Variants in ZDHHC2 observed in about 807,000 individuals in gnomAD.
ZDHHC2 encodes palmitoyltransferase ZDHHC2.
In ZDHHC2, 51 loss-of-function variants were observed where a neutral mutation model predicts 55.6. The ratio of observed to expected loss-of-function variants is 0.92; its 90% confidence interval spans 0.73 to 1.16. ZDHHC2 has a LOEUF of 1.16. Ranked by LOEUF, ZDHHC2 falls within the 50% of genes most tolerant of loss-of-function variation. ZDHHC2 has a pLI of 0.00. For missense variants in ZDHHC2, 491 were observed against 442.4 expected (o/e 1.11, Z -0.99); for synonymous variants, 199 against 152.9 (o/e 1.30, Z -2.22).
At chr8:17,188,026 G>T (rs758216228) in intron 3 of ZDHHC2, among the ~76,000 whole-genome samples, 10 of 152,042 alleles carry the variant, frequency 6.6e-5, no homozygotes, top group South Asian at 2.1e-4. Context: ...TTCTTCTCCT[G>T]GTAATTTGGT....
chr8:17,186,542 G>A, intron 3 of ZDHHC2, 117 bp downstream of exon 3: 2 of 589,338 alleles, frequency 3.4e-6, no homozygotes, highest in Non-Finnish European at 2.7e-6. Context: ...TGACTTTTTA[G>A]ATTAAAAAAA....
intron 6 of ZDHHC2, among the ~76,000 whole-genome samples, chr8:17,202,327 A>AT (rs1223799943): frequency 6.6e-6 from 1 of 151,810 alleles, no homozygotes; most frequent in Non-Finnish European, 1.5e-5. Context: ...TATTTGTCTC[A>AT]TTTTACAGGG....
chr8:17,209,925 T>A lies in ZDHHC2; in HGVS notation c.731-7T>A, dbSNP rs755390662. The A allele has an allele frequency of 6.2e-7, 1 of 1,604,198 alleles. No homozygotes were observed. The highest frequency in any genetic ancestry group is 1.3e-5 in the African/African-American group (1 of 74,524). ...ACTCATGTGATTCCTTTACCATCTTTTTTTAGAGGCATTCAGAAGTCCAGT... is the reference window on the plus strand; with the variant it reads ...ACTCATGTGATTCCTTTACCATCTTATTTTAGAGGCATTCAGAAGTCCAGT... On this transcript the variant is annotated splice_polypyrimidine_tract_variant and splice_region_variant and intron_variant, in intron 8 of 12. Transcript: ENST00000262096.
rs1261273101 is a variant in ZDHHC2 at position 17,222,619 on chromosome 8, ATTG to A, written c.*2401_*2403del. 3 of 151,932 alleles carry A rather than the reference ATTG, an allele frequency of 2.0e-5. No individual in the cohort carries two copies. Among genetic ancestry groups the A allele is most frequent in the Non-Finnish European group, 4.4e-5 (3 of 67,778 alleles). 9.4% of individuals were successfully genotyped at this position (151,932 alleles called of 1,614,324 possible). On this transcript the variant is annotated 3_prime_UTR_variant, in exon 13 of 13. Transcript: ENST00000262096. ...TATTTGCTATTATGTAGGGAAGAGG[ATTG>A]TTATTTCAAAGATATATTAAAGAAC...
intron 1 of ZDHHC2, among the ~76,000 whole-genome samples, chr8:17,173,865 A>C (rs976378788): frequency 1.4e-4 from 21 of 152,104 alleles, no homozygotes; most frequent in African/African-American, 5.1e-4. Context: ...TATTTGGAGA[A>C]AGGGTCTTTA....
chr8:17,194,267 A>G (rs11785731), intron 3 of ZDHHC2, among the ~76,000 whole-genome samples: 3,253 of 151,506 alleles, frequency 0.021, 53 homozygotes, highest in Non-Finnish European at 0.034. Flanking sequence ...TTTCACTGAC[A>G]TATCACTTTT....
intron 3 of ZDHHC2, among the ~76,000 whole-genome samples, chr8:17,195,283 C>T (rs1351232406): frequency 2.0e-5 from 3 of 152,084 alleles, no homozygotes; most frequent in African/African-American, 7.2e-5. Context: ...GAAGTAGGTA[C>T]AGTTGTATTA....
intron 1 of ZDHHC2, among the ~76,000 whole-genome samples, chr8:17,170,391 TA>T (rs1269913833): frequency 1.3e-5 from 2 of 152,262 alleles, no homozygotes; most frequent in Non-Finnish European, 2.9e-5. Flanking sequence ...CTGTAAATTT[TA>T]TTCCAATGAG....
chr8:17,206,812 A>G (rs111348627), intron 7 of ZDHHC2, among the ~76,000 whole-genome samples: 1,898 of 152,342 alleles, frequency 0.012, 17 homozygotes, highest in Non-Finnish European at 0.022. Flanking sequence ...TCATTAAATT[A>G]TCTTTATTAT....
At chr8:17,197,714 CTTTTCTCACTG>C in intron 5 of ZDHHC2, 63 bp downstream of exon 5, 1 of 1,471,664 alleles carries the variant, frequency 6.8e-7, no homozygotes, top group Non-Finnish European at 9.4e-7. Flanking sequence ...CATTATGTTT[CTTTTCTCACTG>C]TTTTCCTGAT....
chr8:17,165,264 T>G (rs961813098), intron 1 of ZDHHC2, among the ~76,000 whole-genome samples: 1 of 152,232 alleles, frequency 6.6e-6, no homozygotes, highest in African/African-American at 2.4e-5. Flanking sequence ...CAACTCCATG[T>G]GACCTGTTTT....
At chr8:17,160,079 A>G (rs1263237489) in intron 1 of ZDHHC2, among the ~76,000 whole-genome samples, 1 of 152,240 alleles carries the variant, frequency 6.6e-6, no homozygotes, top group Non-Finnish European at 1.5e-5. Flanking sequence ...TTCAGCGAGC[A>G]CACGACGTGG....
chr8:17,201,647 T>C (rs1009500579), intron 6 of ZDHHC2, among the ~76,000 whole-genome samples: 88 of 145,240 alleles, frequency 6.1e-4, no homozygotes, highest in African/African-American at 2.2e-3. Flanking sequence ...CGCCCACCAC[T>C]ACGCCTCACG....
At chr8:17,199,463 A>AGAC (rs1806510315) in intron 6 of ZDHHC2, among the ~76,000 whole-genome samples, 2 of 103,934 alleles carry the variant, frequency 1.9e-5, no homozygotes, top group Admixed American at 8.7e-5. Context: ...GTCTTTAATA[A>AGAC]GACTTCTTCT....
chr8:17,205,170 A>G (rs1343230973), intron 6 of ZDHHC2, among the ~76,000 whole-genome samples: 1 of 152,236 alleles, frequency 6.6e-6, no homozygotes. Context: ...TAAAGCTCCC[A>G]TTTAATATGC....
Position 17,162,655 on chromosome 8 carries a change from C to T in ZDHHC2, c.130+5802C>T, listed in dbSNP as rs1804405711. 2.0e-5 allele frequency: 3 copies of T among 152,254 alleles called. No individual in the cohort carries two copies. In the South Asian group the frequency reaches 6.2e-4, roughly 32 times the overall value. 9.4% of individuals were successfully genotyped at this position (152,254 alleles called of 1,614,324 possible). On this transcript the variant is annotated intron_variant, in intron 1 of 12. Transcript: ENST00000262096. Reference sequence around the variant, plus strand: ...CAAGATAACTTCATAGAGATCTTTTCCTAGTAGCCAAGAAAAAAAACAGCC... The same window carrying T: ...CAAGATAACTTCATAGAGATCTTTTTCTAGTAGCCAAGAAAAAAAACAGCC...
At chr8:17,216,951 T>G (rs1165071615) in intron 11 of ZDHHC2, among the ~76,000 whole-genome samples, 1 of 152,108 alleles carries the variant, frequency 6.6e-6, no homozygotes, top group Non-Finnish European at 1.5e-5. Flanking sequence ...TCTATTTCTG[T>G]TTTTAGTGTT....
intron 8 of ZDHHC2, among the ~76,000 whole-genome samples, chr8:17,208,629 C>T (rs1206090171): frequency 6.6e-6 from 1 of 152,056 alleles, no homozygotes; most frequent in East Asian, 1.9e-4. Flanking sequence ...GGATTAATTA[C>T]AGTGGGTAGT....
At chr8:17,163,452 A>G (rs1330557220) in intron 1 of ZDHHC2, among the ~76,000 whole-genome samples, 1 of 152,144 alleles carries the variant, frequency 6.6e-6, no homozygotes, top group African/African-American at 2.4e-5. Context: ...AGATGAGTAT[A>G]TATGGGGGCG....
Sources: allele counts gnomAD v4.1 joint callset (sites outside exome capture counted in the v4.1 genomes callset), GRCh38; gene constraint gnomAD v4.1.1; transcripts MANE v1.5; gene names NCBI Gene and HGNC (gene_info 2026-07-23, HGNC 2026-07-21).